The following ENOSF1 variants were observed in gnomAD, a reference collection of about 807,000 sequenced individuals.
The protein encoded by ENOSF1 is mitochondrial enolase superfamily member 1.
In ENOSF1, 73 loss-of-function variants were observed where a neutral mutation model predicts 68.2. The observed-to-expected ratio is 1.07, with a 90% CI of 0.89 to 1.30. The LOEUF (loss-of-function observed/expected upper bound fraction) is 1.30. Ranked by LOEUF, ENOSF1 falls within the 50% of genes most tolerant of loss-of-function variation. ENOSF1 has a pLI of 0.00. For missense variants in ENOSF1, 589 were observed against 554.5 expected, an observed-to-expected ratio of 1.06 and a Z score of -0.62; for synonymous variants, 223 against 210.4, an observed-to-expected ratio of 1.06 and a Z score of -0.52.
At chr18:704,455 AAAG>A (rs1369814333) in intron 2 of ENOSF1, among the ~76,000 whole-genome samples, 2 of 151,264 alleles carry the variant, frequency 1.3e-5, no homozygotes, top group Admixed American at 6.6e-5. Flanking sequence ...AAAAAAAAAA[AAAG>A]AACAGCCTAA....
At position 671,083 on chromosome 18, in the gene ENOSF1, T is replaced by C. The variant is rs969618151; in HGVS notation, c.*3222A>G. The C allele has an allele frequency of 6.3e-5, 40 of 633,508 alleles. No homozygotes were observed. The South Asian group carries it at 7.2e-4, about 11-fold the overall frequency. 39.2% of individuals were successfully genotyped at this position (633,508 alleles called of 1,614,324 possible). ...GCACTAACAGATCTATACAGGTTGT[T>C]TGTGATACAGCTTCTATGGATTTTC... On this transcript the variant is annotated 3_prime_UTR_variant, in exon 16 of 16. Coordinates refer to ENST00000647584, the MANE Select transcript of ENOSF1 (RefSeq NM_017512.7).
chr18:684,157 C>A (rs1202468880), intron 10 of ENOSF1, among the ~76,000 whole-genome samples: 1 of 151,848 alleles, frequency 6.6e-6, no homozygotes, highest in Non-Finnish European at 1.5e-5. Context: ...CCACACCAGG[C>A]TATTTTTTTT....
At position 704,605 on chromosome 18, in the gene ENOSF1, C is replaced by CTTTTTTTTTT. The variant is rs367666026; in HGVS notation, c.193+1864_193+1865insAAAAAAAAAA. Among the ~76,000 whole-genome samples, 4 of 135,310 alleles carry CTTTTTTTTTT rather than the reference C, an allele frequency of 3.0e-5. 1 individual carries two copies. Among genetic ancestry groups the CTTTTTTTTTT allele is most frequent in the Non-Finnish European group, 4.7e-5 (3 of 64,402 alleles). The allele number at this position is 135,310 out of a possible 152,430, so 88.8% of individuals were successfully genotyped here. A position where few individuals can be genotyped will look rare whatever the true frequency, so the allele number is the denominator to read the frequency against. On this transcript the variant is annotated intron_variant, in intron 2 of 15. Transcript: ENST00000647584. Reference sequence around the variant, plus strand: ...GTATGTGGGATTCTGTCTTCTGTATCTTTTTTCTTTTTTTTTTTGGGATGG... The same window carrying CTTTTTTTTTT: ...GTATGTGGGATTCTGTCTTCTGTATCTTTTTTTTTTTTTTTTCTTTTTTTTTTTGGGATGG...
intron 5 of ENOSF1, 166 bp from the exon 6 acceptor site, chr18:691,442 C>T: frequency 5.1e-6 from 3 of 586,732 alleles, no homozygotes; most frequent in Non-Finnish European, 9.0e-6. Context: ...GTCTCCCTGG[C>T]TTATGTGATC....
At chr18:693,316 G>A (rs2077392051) in intron 5 of ENOSF1, 2 of 1,227,082 alleles carry the variant, frequency 1.6e-6, no homozygotes, top group Non-Finnish European at 2.1e-6. Flanking sequence ...TGACTGGATA[G>A]TATCTTTTCT....
chr18:689,274 CA>C (rs2076921136), intron 8 of ENOSF1, among the ~76,000 whole-genome samples: 1 of 151,960 alleles, frequency 6.6e-6, no homozygotes, highest in African/African-American at 2.4e-5. Flanking sequence ...GGCTTGGATC[CA>C]AAATAATTTT....
chr18:706,815 A>ATATATTT (rs760562263), intron 1 of ENOSF1: 1,540 of 131,002 alleles, frequency 0.012, 8 homozygotes, highest in Non-Finnish European at 0.013. Context: ...ATATATATAT[A>ATATATTT]TTTTTTTTTT....
chr18:688,596 C>A lies in ENOSF1; in HGVS notation c.631G>T (p.Ala211Ser). 3 of 1,614,108 alleles carry A rather than the reference C, an allele frequency of 1.9e-6. No individual in the cohort carries two copies. Among genetic ancestry groups the A allele is most frequent in the Non-Finnish European group, 2.5e-6 (3 of 1,180,008 alleles). Residue 211 changes from alanine to serine, a missense_variant, in exon 9 of 16, where the codon GCG becomes TCG. Transcript: ENST00000647584. ...DDTLKQLCAQ[A>S]LKDGWTRFKV... is the part of the protein sequence containing the mutation. Reference sequence around the variant, plus strand: ...CACCTGGTCCAGCCATCCTTCAGCGCCTGGGCACAGAGCTGTGGGAAAGGA... The same window carrying A: ...CACCTGGTCCAGCCATCCTTCAGCGACTGGGCACAGAGCTGTGGGAAAGGA...
In ENOSF1 at chr18:677,448, A is replaced by G. The variant is rs759455088; in HGVS notation, c.1049-4T>C. 1 of 1,611,258 alleles carries G rather than the reference A, an allele frequency of 6.2e-7. No homozygotes were observed. Among genetic ancestry groups the G allele is most frequent in the East Asian group, 2.2e-5 (1 of 44,852 alleles). ...CCAGCATGGGGGCAAACAGGAACTAAAAGGAAATCGTTTCTATTTAATACC... is the reference window on the plus strand; with the variant it reads ...CCAGCATGGGGGCAAACAGGAACTAGAAGGAAATCGTTTCTATTTAATACC... On this transcript the variant is annotated splice_polypyrimidine_tract_variant and splice_region_variant and intron_variant, in intron 13 of 15. Coordinates refer to ENST00000647584, the MANE Select transcript of ENOSF1 (RefSeq NM_017512.7).
At chr18:668,784 T>G (rs2074913727), downstream of ENOSF1, among the ~76,000 whole-genome samples, 1 of 151,986 alleles carries the variant, frequency 6.6e-6, no homozygotes. Context: ...GGGTTAGCTA[T>G]GGGGGGAACA....
downstream of ENOSF1, chr18:669,097 A>G (rs894600614): frequency 2.5e-6 from 4 of 1,614,086 alleles, no homozygotes; most frequent in African/African-American, 1.3e-5. Flanking sequence ...GAGTTGACCA[A>G]CTGCAAAGAG....
rs1438856012 is a variant in ENOSF1, at chr18:697,409, T to C, written c.194-54A>G. 1.1e-5 allele frequency: 14 copies of C among 1,285,020 alleles called. No homozygotes were observed. In the East Asian group the frequency reaches 3.0e-4, roughly 28 times the overall value. The allele number at this position is 1,285,020 out of a possible 1,614,324, so 79.6% of individuals were successfully genotyped here. The stretch of plus-strand genomic sequence containing the variant: ...ATGCTTCTATACTAGGTCAAGAAAT[T>C]AGCACCTGAAAACATCACAAACAAA... On this transcript the variant is annotated intron_variant, in intron 2 of 15. Transcript: ENST00000647584.
At chr18:664,419 T>C in the ENOSF1 span, among the ~76,000 whole-genome samples, 1 of 146,330 alleles carries the variant, frequency 6.8e-6, no homozygotes, top group Non-Finnish European at 1.5e-5. Flanking sequence ...GATTTTGGGC[T>C]GAGACAATGG....
intron 11 of ENOSF1, among the ~76,000 whole-genome samples, chr18:678,973 C>A (rs2075795523): frequency 6.6e-6 from 1 of 152,310 alleles, no homozygotes; most frequent in East Asian, 1.9e-4. Flanking sequence ...CTGACCAGGG[C>A]TCTGCAGATC....
downstream of ENOSF1, chr18:669,178 A>C (rs1567992315): frequency 6.8e-6 from 11 of 1,613,304 alleles, no homozygotes; most frequent in African/African-American, 1.3e-5. Flanking sequence ...CAAGAGGTTG[A>C]AAGAACCCCG....
At chr18:705,014 G>GT (rs776352054) in intron 2 of ENOSF1, among the ~76,000 whole-genome samples, 8 of 152,220 alleles carry the variant, frequency 5.3e-5, no homozygotes, top group Non-Finnish European at 1.0e-4. Flanking sequence ...GTGAAGAGCA[G>GT]TAACAGCAGC....
In ENOSF1 at chr18:694,297, G is replaced by A. The variant is rs562867470; in HGVS notation, c.347C>T (p.Ala116Val). The A allele has an allele frequency of 2.5e-5, 40 of 1,614,162 alleles. No homozygotes were observed. The highest frequency in any genetic ancestry group is 2.0e-4 in the East Asian group (9 of 44,884). The change falls in exon 4 of 16, where the codon GCG becomes GTG. Residue 116 changes from alanine to valine, a missense_variant. Physicochemically the swap from Ala to Val is moderately conservative, Grantham distance 64 (BLOSUM62 0). Transcript: ENST00000647584. ...PEKGVVHLAT[A>V]AVLNAVWDLW... Reference sequence around the variant, plus strand: ...GTCCCACACCGCGTTTAGGACGGCCGCTGTCGCCAGGTGCACCACGCCCTT... The same window carrying A: ...GTCCCACACCGCGTTTAGGACGGCCACTGTCGCCAGGTGCACCACGCCCTT...
At position 683,352 on chromosome 18, in the gene ENOSF1, A is replaced by G; in HGVS notation, c.770T>C (p.Val257Ala). 1 of 1,614,146 alleles carries G rather than the reference A, an allele frequency of 6.2e-7. No homozygotes were observed. The highest frequency in any genetic ancestry group is 8.5e-7 in the Non-Finnish European group (1 of 1,180,038). Residue 257 changes from valine (V) to alanine (A), a missense_variant, in exon 11 of 16, where the codon GTG (valine) becomes GCG (alanine). Physicochemically the swap from Val to Ala is moderately conservative, Grantham distance 64. Transcript: ENST00000647584. ...LMMDANQRWDVPEAVEWMSKL... is the reference protein window; with the variant it reads ...LMMDANQRWDAPEAVEWMSKL... ...GGACATCCACTCCACCGCCTCAGGC[A>G]CATCCCAGCGCTGGTTGGCATCCAT...
chr18:668,978 T>G, downstream of ENOSF1: 2 of 1,037,582 alleles, frequency 1.9e-6, no homozygotes, highest in Non-Finnish European at 1.4e-6. Flanking sequence ...GGGGGGACCC[T>G]GGGTAAGAGA....
Sources: gnomAD v4.1 joint callset for allele counts (sites outside exome capture counted in the v4.1 genomes callset) on GRCh38, gnomAD v4.1.1 for gene constraint, MANE v1.5 for transcripts, NCBI Gene and HGNC (gene_info 2026-07-23, HGNC 2026-07-21) for gene names.